PDZRN3: variants seen among roughly 807,000 people sequenced by gnomAD.
PDZRN3 encodes the protein E3 ubiquitin-protein ligase PDZRN3.
In PDZRN3, 38 loss-of-function variants were observed where a neutral mutation model predicts 85.7. The ratio of observed to expected loss-of-function variants is 0.44; its 90% CI spans 0.34 to 0.58. The LOEUF (loss-of-function observed/expected upper bound fraction) is 0.58. Among genes scored for constraint, PDZRN3 ranks in the 20% least tolerant of loss-of-function variants. The probability of loss-of-function intolerance (pLI) is 0.01; values close to 1 mark genes in which losing one functional copy is unlikely to be tolerated. For missense variants in PDZRN3, 1,629 were observed against 1,506.4 expected (o/e 1.08, Z -1.35); for synonymous variants, 759 against 638.0 (o/e 1.19, Z -2.86).
intron 3 of PDZRN3, among the ~76,000 whole-genome samples, chr3:73,437,627 C>T (rs929296504): frequency 1.3e-5 from 2 of 152,094 alleles, no homozygotes; most frequent in African/African-American, 4.8e-5. Flanking sequence ...GTTGAGTTTC[C>T]ATTCTTGTGA....
intron 3 of PDZRN3, among the ~76,000 whole-genome samples, chr3:73,481,673 A>G (rs1331437089): frequency 6.6e-6 from 1 of 152,248 alleles, no homozygotes; most frequent in Non-Finnish European, 1.5e-5. Flanking sequence ...AGCTGGACAC[A>G]GAGATACCCA....
In PDZRN3 at chr3:73,388,083, A is replaced by AAAAAC; in HGVS notation, c.1417-15_1417-14insGTTTT. 1.1e-6 allele frequency: 1 copy of AAAAAC among 908,180 alleles called. No individual in the cohort carries two copies. Among genetic ancestry groups the AAAAAC allele is most frequent in the Non-Finnish European group, 1.7e-6 (1 of 588,938 alleles). 56.3% of individuals were successfully genotyped at this position (908,180 alleles called of 1,614,324 possible). A position where few individuals can be genotyped will look rare whatever the true frequency, so the allele number is the denominator to read the frequency against. On this transcript the variant is annotated splice_polypyrimidine_tract_variant and intron_variant, in intron 7 of 9. Coordinates refer to ENST00000263666, the MANE Select transcript of PDZRN3 (RefSeq NM_015009.3). ...TATCCCATTAATCTTTTAAAAAAAAAGGGGGGGTGGGGAGAGTGGGGAGAC... is the reference window on the plus strand; with the variant it reads ...TATCCCATTAATCTTTTAAAAAAAAAAAAACGGGGGGGTGGGGAGAGTGGGGAGAC...
intron 3 of PDZRN3, among the ~76,000 whole-genome samples, chr3:73,519,994 G>C (rs1260127024): frequency 2.0e-5 from 3 of 152,076 alleles, no homozygotes; most frequent in Admixed American, 6.5e-5. Flanking sequence ...GCGTTCCTTG[G>C]GGGTGGCGCA....
At chr3:73,613,720 T>C (rs531351616) in intron 1 of PDZRN3, among the ~76,000 whole-genome samples, 1 of 152,176 alleles carries the variant, frequency 6.6e-6, no homozygotes, top group East Asian at 1.9e-4. Flanking sequence ...ACTGAGGAGT[T>C]CTCAACAGAA....
intron 5 of PDZRN3, among the ~76,000 whole-genome samples, chr3:73,392,139 C>T (rs1442773522): frequency 2.0e-5 from 3 of 152,308 alleles, no homozygotes; most frequent in East Asian, 1.9e-4. Flanking sequence ...CGATGAAAGG[C>T]GGGTGCCAGG....
chr3:73,433,606 T>G, intron 3 of PDZRN3: 2 of 1,422,340 alleles, frequency 1.4e-6, no homozygotes, highest in East Asian at 2.5e-5. Context: ...TGGGTGCCTA[T>G]GCACTTCTAT....
At chr3:73,464,265 G>T (rs551355269) in intron 3 of PDZRN3, among the ~76,000 whole-genome samples, 7 of 152,166 alleles carry the variant, frequency 4.6e-5, no homozygotes, top group Non-Finnish European at 1.0e-4. Context: ...GATTATAGGC[G>T]TGAGCCATGG....
At chr3:73,495,069 T>G (rs1703842186) in intron 3 of PDZRN3, among the ~76,000 whole-genome samples, 1 of 152,180 alleles carries the variant, frequency 6.6e-6, no homozygotes, top group African/African-American at 2.4e-5. Context: ...TATGGGGTAT[T>G]ACTCACTATG....
At chr3:73,388,261 C>A (rs1233946447) in intron 7 of PDZRN3, 192 bp from the exon 8 acceptor site, 2 of 445,546 alleles carry the variant, frequency 4.5e-6, no homozygotes, top group East Asian at 7.0e-5. Flanking sequence ...TGCAGTTTCT[C>A]TGGTCTATAA....
At chr3:73,423,274 A>AAT (rs1049497306) in intron 3 of PDZRN3, among the ~76,000 whole-genome samples, 2 of 152,218 alleles carry the variant, frequency 1.3e-5, no homozygotes, top group Non-Finnish European at 2.9e-5. Flanking sequence ...TACTTTATTA[A>AAT]AGTGCATGTC....
chr3:73,384,202 G>A lies in PDZRN3; in HGVS notation c.2364C>T (p.Cys788=). Residue 788 remains cysteine, a synonymous_variant, in exon 10 of 10, where the codon TGC becomes TGT. Coordinates refer to ENST00000263666, the MANE Select transcript of PDZRN3 (RefSeq NM_015009.3). ...SLRRAAEGIS[C]PSSEGAVGTT... ...TCCCCACAGCCCCTTCGCTGCTCGG[G>A]CAGCTGATGCCCTCCGCCGCTCTCC... 2 of 1,613,912 alleles carry A rather than the reference G, an allele frequency of 1.2e-6. No homozygotes were observed. Among genetic ancestry groups the A allele is most frequent in the South Asian group, 1.1e-5 (1 of 91,082 alleles).
intron 3 of PDZRN3, among the ~76,000 whole-genome samples, chr3:73,551,684 G>A (rs988724295): frequency 1.4e-5 from 1 of 71,968 alleles, no homozygotes; most frequent in Non-Finnish European, 2.6e-5. Flanking sequence ...GTGAGACCCT[G>A]TTTCAAAAAA....
chr3:73,493,080 G>T (rs1356370145), intron 3 of PDZRN3, among the ~76,000 whole-genome samples: 2 of 150,482 alleles, frequency 1.3e-5, no homozygotes, highest in Non-Finnish European at 3.0e-5. Context: ...GTGGGAGAGG[G>T]TATGTCCGGG....
Position 73,440,342 on chromosome 3 carries a change from C to T in PDZRN3, c.919-35947G>A, listed in dbSNP as rs1028136501. Among the ~76,000 whole-genome samples, 3 of 152,178 alleles carry T rather than the reference C, an allele frequency of 2.0e-5. 1 individual carries two copies. The highest frequency in any genetic ancestry group is 2.0e-4 in the Admixed American group (3 of 15,286). ...AAATCCCACGCAGGCCAGTGAGCATCAGTCTCTGAAAGTCATGCAACAGAC... is the reference window on the plus strand; with the variant it reads ...AAATCCCACGCAGGCCAGTGAGCATTAGTCTCTGAAAGTCATGCAACAGAC... On this transcript the variant is annotated intron_variant, in intron 3 of 9. Transcript: ENST00000263666.
At chr3:73,538,050 C>T (rs1266679848) in intron 3 of PDZRN3, among the ~76,000 whole-genome samples, 1 of 152,192 alleles carries the variant, frequency 6.6e-6, no homozygotes, top group Non-Finnish European at 1.5e-5. Flanking sequence ...TGCTTTGTCA[C>T]ATCTTGAGTG....
At chr3:73,422,038 G>C (rs1702214508) in intron 3 of PDZRN3, among the ~76,000 whole-genome samples, 1 of 152,168 alleles carries the variant, frequency 6.6e-6, no homozygotes, top group African/African-American at 2.4e-5. Context: ...CATTCCTTTA[G>C]AGCCTTTACC....
chr3:73,611,740 A>G (rs1164627279), intron 1 of PDZRN3, among the ~76,000 whole-genome samples: 2 of 152,210 alleles, frequency 1.3e-5, no homozygotes, highest in East Asian at 3.8e-4. Flanking sequence ...TTTCTCCACA[A>G]ACAACCTTAA....
In PDZRN3 at chr3:73,624,373, C is replaced by T; in HGVS notation, c.453G>A (p.Thr151=). The stretch of plus-strand genomic sequence containing the variant: ...GGCCGCCCGCGCGCTGCTCGCCGTG[C>T]GTCAAGGGTAGCCCGCAGCCCTCCT... The part of the protein sequence containing the change: ...RCQEGCGLPL[T]HGEQRAGGHC... Residue 151 remains threonine, a synonymous_variant, in exon 1 of 10, where the codon ACG becomes ACA. Transcript: ENST00000263666. 7.7e-7 allele frequency: 1 copy of T among 1,305,028 alleles called. No homozygotes were observed. The highest frequency in any genetic ancestry group is 2.3e-5 in the South Asian group (1 of 44,280). 80.8% of individuals were successfully genotyped at this position (1,305,028 alleles called of 1,614,324 possible).
chr3:73,443,479 CTTTTTTTTTT>C (rs768320565), intron 3 of PDZRN3, among the ~76,000 whole-genome samples: 1 of 48,152 alleles, frequency 2.1e-5, no homozygotes, highest in Non-Finnish European at 5.4e-5. Flanking sequence ...TTTCCTTTTT[CTTTTTTTTTT>C]TTTTTTTTTG....
Sources: allele counts gnomAD v4.1 joint callset (sites outside exome capture counted in the v4.1 genomes callset), GRCh38; gene constraint gnomAD v4.1.1; transcripts MANE v1.5; gene names NCBI Gene and HGNC (gene_info 2026-07-23, HGNC 2026-07-21).